The following CHD9 variants were observed in gnomAD, a reference collection of about 807,000 sequenced individuals.
CHD9 encodes the protein chromodomain helicase DNA binding protein 9.
A neutral mutation model predicts 316.1 loss-of-function variants in CHD9; 77 were observed. The ratio of observed to expected loss-of-function variants is 0.24; its 90% CI spans 0.20 to 0.29. The LOEUF (loss-of-function observed/expected upper bound fraction) is 0.29, where lower values mean the gene tolerates loss of function less well. CHD9 is among the 10% of genes least tolerant of loss of function. The pLI, the probability that CHD9 is intolerant of heterozygous loss-of-function variation, is 1.00. For synonymous variants in CHD9, 1,129 were observed against 1,158.3 expected (o/e 0.97, Z 0.51); for missense variants, 2,763 against 3,438.1 (o/e 0.80, Z 4.91).
chr16:53,058,840 TTTTG>T (rs2032502531), intron 1 of CHD9, among the ~76,000 whole-genome samples: 2 of 151,654 alleles, frequency 1.3e-5, no homozygotes, highest in Non-Finnish European at 3.0e-5. Context: ...TTTTGTTTTG[TTTTG>T]TTGGTTTTTG....
chr16:53,063,265 T>C (rs967615050), intron 1 of CHD9, among the ~76,000 whole-genome samples: 1 of 151,914 alleles, frequency 6.6e-6, no homozygotes, highest in Non-Finnish European at 1.5e-5. Flanking sequence ...CAAAGTTATA[T>C]AGCTAGGAAG....
chr16:53,264,550 A>G (rs992865205), intron 20 of CHD9, among the ~76,000 whole-genome samples: 7 of 152,146 alleles, frequency 4.6e-5, no homozygotes, highest in Non-Finnish European at 1.0e-4. Flanking sequence ...TCTATTTATG[A>G]TTTTTCAGCA....
rs146817615 is a variant in CHD9 at position 53,269,012 on chromosome 16, G to A, written c.4717+886G>A. 2.3e-3 allele frequency among the ~76,000 whole-genome samples: 357 copies of A among 151,920 alleles called. 3 individuals are homozygous for A. The highest frequency in any genetic ancestry group is 8.4e-3 in the African/African-American group (346 of 41,436). On this transcript the variant is annotated intron_variant, in intron 22 of 38. Transcript: ENST00000447540. ...TGCAGAGTCAGGGTCCTACCATGTT[G>A]CCCAGGCTGGTCTTGAACTCCTGAG...
Position 53,297,141 on chromosome 16 carries a change from G to A in CHD9, c.5696G>A (p.Arg1899His), listed in dbSNP as rs181111349. The change falls in exon 30 of 39, where the codon CGT (arginine) becomes CAT (histidine). Residue 1899 changes from arginine (R) to histidine (H), a missense_variant. By Grantham distance (29) the Arg-to-His change is conservative. Coordinates refer to ENST00000447540, the MANE Select transcript of CHD9 (RefSeq NM_001308319.2). ...AFMSMCRRVC[R>H]LPSKEELVDP... ...ATGTCCATGTGTCGGAGGGTTTGTC[G>A]TCTTCCTTCCAAAGAAGGTATGTAT... is the stretch of plus-strand genomic sequence containing the variant. The A allele has an allele frequency of 3.1e-4, 494 of 1,613,020 alleles. 2 individuals are homozygous for A. The East Asian group carries it at 3.1e-3, about 10-fold the overall frequency.
chr16:53,219,369 A>T (rs762596184), intron 3 of CHD9, among the ~76,000 whole-genome samples: 2 of 152,218 alleles, frequency 1.3e-5, no homozygotes, highest in Admixed American at 6.5e-5. Context: ...GTAGTAGTTA[A>T]GAAAAGATTA....
At chr16:53,107,968 A>G (rs2037502569) in intron 1 of CHD9, among the ~76,000 whole-genome samples, 2 of 152,142 alleles carry the variant, frequency 1.3e-5, no homozygotes, top group South Asian at 2.1e-4. Context: ...GGGAGGGGTG[A>G]AGGGAGAGGA....
At chr16:53,059,507 T>C (rs2032589087) in intron 1 of CHD9, among the ~76,000 whole-genome samples, 1 of 152,214 alleles carries the variant, frequency 6.6e-6, no homozygotes, top group African/African-American at 2.4e-5. Flanking sequence ...AAGACATGAA[T>C]TCCTCTGTGA....
At chr16:53,307,983 G>A (rs1314631057) in intron 33 of CHD9, 30 bp downstream of exon 33, 2 of 1,542,652 alleles carry the variant, frequency 1.3e-6, no homozygotes, top group Non-Finnish European at 1.8e-6. Context: ...CCTAGGGCCT[G>A]ATTGCGATTG....
At chr16:53,151,193 TCCCTCCCCTCCCCTCCCCTCCCC>T (rs2041077022) in intron 1 of CHD9, among the ~76,000 whole-genome samples, 1 of 135,310 alleles carries the variant, frequency 7.4e-6, no homozygotes, top group African/African-American at 3.0e-5. Flanking sequence ...CTTTTTCTTT[TCCCTCCCCTCCCCTCCCCTCCCC>T]CCCTCCCCTC....
chr16:53,282,650 T>G (rs1010991782), intron 24 of CHD9, among the ~76,000 whole-genome samples: 2 of 151,976 alleles, frequency 1.3e-5, no homozygotes, highest in Non-Finnish European at 2.9e-5. Flanking sequence ...GTTGTCTTCT[T>G]TTTCTTCCCT....
At chr16:53,107,874 G>A (rs2037495645) in intron 1 of CHD9, among the ~76,000 whole-genome samples, 1 of 151,964 alleles carries the variant, frequency 6.6e-6, no homozygotes, top group Non-Finnish European at 1.5e-5. Flanking sequence ...TGGAGAGAGA[G>A]TAAACAAAAA....
chr16:53,320,753 AT>A (rs947302743), intron 37 of CHD9, among the ~76,000 whole-genome samples: 4 of 152,024 alleles, frequency 2.6e-5, no homozygotes, highest in South Asian at 2.1e-4. Context: ...ATATTATTAC[AT>A]TTTTTTCCAA....
At chr16:53,085,234 T>C (rs1034244726) in intron 1 of CHD9, among the ~76,000 whole-genome samples, 1 of 151,620 alleles carries the variant, frequency 6.6e-6, no homozygotes, top group Non-Finnish European at 1.5e-5. Context: ...TCATCTTTTT[T>C]TTTTTTTTTT....
intron 1 of CHD9, among the ~76,000 whole-genome samples, chr16:53,083,093 G>A (rs1003646132): frequency 2.6e-5 from 4 of 152,236 alleles, no homozygotes; most frequent in African/African-American, 9.6e-5. Flanking sequence ...ACTGGCAACA[G>A]TGTGTTGAGG....
intron 11 of CHD9, among the ~76,000 whole-genome samples, chr16:53,236,148 A>G (rs1380568713): frequency 6.6e-6 from 1 of 152,144 alleles, no homozygotes; most frequent in Non-Finnish European, 1.5e-5. Context: ...ACCATCTAGG[A>G]AAAGTAGTTG....
chr16:53,094,258 C>T (rs908734500), intron 1 of CHD9, among the ~76,000 whole-genome samples: 14 of 152,180 alleles, frequency 9.2e-5, no homozygotes, highest in African/African-American at 3.1e-4. Flanking sequence ...ACCCAGCATC[C>T]GCCTAGTCTG....
chr16:53,219,452 C>T (rs1223009430), intron 3 of CHD9, among the ~76,000 whole-genome samples: 3 of 152,108 alleles, frequency 2.0e-5, no homozygotes, highest in Non-Finnish European at 4.4e-5. Flanking sequence ...GTTTAACAGG[C>T]TAGCAGAGAA....
At chr16:53,099,756 T>C (rs1377048796) in intron 1 of CHD9, among the ~76,000 whole-genome samples, 1 of 152,094 alleles carries the variant, frequency 6.6e-6, no homozygotes, top group Admixed American at 6.5e-5. Context: ...CCTTGACCTA[T>C]ATTCCGTTCT....
Position 53,321,645 on chromosome 16 carries a change from A to G in CHD9, c.7818+15A>G, listed in dbSNP as rs1567689564. On this transcript the variant is annotated intron_variant, in intron 38 of 38. Coordinates refer to ENST00000447540, the MANE Select transcript of CHD9 (RefSeq NM_001308319.2). ...TTAAGCAATCTGTGAGTATTTTACG[A>G]ATACTAACTCATACATTATTTTCAA... The G allele has an allele frequency of 7.4e-7, 1 of 1,348,628 alleles. No individual in the cohort carries two copies. The allele number at this position is 1,348,628 out of a possible 1,614,324, so 83.5% of individuals were successfully genotyped here.
Sources: allele counts gnomAD v4.1 joint callset (sites outside exome capture counted in the v4.1 genomes callset), GRCh38; gene constraint gnomAD v4.1.1; transcripts MANE v1.5; gene names NCBI Gene and HGNC (gene_info 2026-07-23, HGNC 2026-07-21).